SRGAP3: variants seen among roughly 807,000 people sequenced by gnomAD.
SRGAP3 encodes the protein SLIT-ROBO Rho GTPase activating protein 3, also known as SLIT-ROBO Rho GTPase-activating protein 3.
Under a neutral mutation model 121.1 loss-of-function variants are expected in SRGAP3, and 39 were observed. The observed-to-expected ratio is 0.32, with a 90% CI of 0.25 to 0.42. The LOEUF is 0.42. Among genes scored for constraint, SRGAP3 ranks in the 10% least tolerant of loss-of-function variants. The pLI, the probability that SRGAP3 is intolerant of heterozygous loss-of-function variation, is 1.00. For missense variants in SRGAP3, 1,213 were observed against 1,470.6 expected (o/e 0.82, Z 2.86); for synonymous variants, 601 against 570.0 (o/e 1.05, Z -0.77).
intron 3 of SRGAP3, among the ~76,000 whole-genome samples, chr3:9,083,762 A>G (rs921232491): frequency 6.6e-6 from 1 of 152,188 alleles, no homozygotes; most frequent in African/African-American, 2.4e-5. Context: ...TCCTGTCTTC[A>G]GAATTCCCTC....
intron 1 of SRGAP3, among the ~76,000 whole-genome samples, chr3:9,176,893 G>C (rs879613596): frequency 2.0e-5 from 3 of 152,196 alleles, no homozygotes; most frequent in Non-Finnish European, 2.9e-5. Flanking sequence ...TTCAACATGA[G>C]ATTTGGGCAG....
chr3:9,246,530 C>T (rs980701613), intron 1 of SRGAP3, among the ~76,000 whole-genome samples: 16 of 152,308 alleles, frequency 1.1e-4, no homozygotes, highest in African/African-American at 2.9e-4. Context: ...GGGAGAAAAT[C>T]GGCCTTGTGA....
In SRGAP3 at chr3:9,119,115, C is replaced by T. The variant is rs191897670; in HGVS notation, c.260+5610G>A. 2.2e-3 allele frequency among the ~76,000 whole-genome samples: 335 copies of T among 152,328 alleles called. 1 individual carries two copies. Among genetic ancestry groups the T allele is most frequent in the African/African-American group, 7.6e-3 (316 of 41,566 alleles). On this transcript the variant is annotated intron_variant, in intron 2 of 21. Coordinates refer to ENST00000383836, the MANE Select transcript of SRGAP3 (RefSeq NM_014850.4). Reference sequence around the variant, plus strand: ...CAGTGGTTGTCCAAAGGAGGACAGACAAGTAAACAGACGATGACAATACAG... The same window carrying T: ...CAGTGGTTGTCCAAAGGAGGACAGATAAGTAAACAGACGATGACAATACAG...
At chr3:9,297,764 C>G (rs1370213408) in intron 3 of SRGAP3, among the ~76,000 whole-genome samples, 1 of 151,964 alleles carries the variant, frequency 6.6e-6, no homozygotes, top group South Asian at 2.1e-4. Flanking sequence ...GGCATTGTGG[C>G]GTGTGCCTGT....
At chr3:9,328,153 C>G (rs1955549137) in intron 2 of SRGAP3, among the ~76,000 whole-genome samples, 2 of 152,124 alleles carry the variant, frequency 1.3e-5, no homozygotes, top group South Asian at 4.1e-4. Flanking sequence ...CCAAAGGTTA[C>G]TAAAGTTACA....
At chr3:9,314,918 G>A (rs1175286050) in intron 3 of SRGAP3, among the ~76,000 whole-genome samples, 1 of 152,194 alleles carries the variant, frequency 6.6e-6, no homozygotes, top group Non-Finnish European at 1.5e-5. Flanking sequence ...CCTCATCTTG[G>A]CAAATTCCCA....
chr3:9,072,819 C>T (rs894506214), intron 4 of SRGAP3, among the ~76,000 whole-genome samples: 5 of 152,182 alleles, frequency 3.3e-5, no homozygotes, highest in Admixed American at 6.5e-5. Context: ...ACACAGCAAC[C>T]GAGGTGACAT....
At chr3:9,099,723 G>GTAT (rs1948134231) in intron 3 of SRGAP3, among the ~76,000 whole-genome samples, 1 of 152,232 alleles carries the variant, frequency 6.6e-6, no homozygotes, top group Non-Finnish European at 1.5e-5. Context: ...AGAAATGCAG[G>GTAT]TTCTCAGGCC....
rs538537051 is a variant in SRGAP3, at chr3:9,348,903, T to C, written n.214+13937A>G. 5 of 1,033,128 alleles carry C rather than the reference T, an allele frequency of 4.8e-6. No homozygotes were observed. The South Asian group carries it at 5.0e-5, about 10-fold the overall frequency. The allele number at this position is 1,033,128 out of a possible 1,614,324, so 64.0% of individuals were successfully genotyped here. ...GATCAGCTACCCTCCTGTGAGAGTC[T>C]GAAGGACACTATTGCCAAGGCTCTG... On this transcript the variant is annotated intron_variant and non_coding_transcript_variant, in intron 1 of 3. Coordinates refer to the SRGAP3 transcript ENST00000490889.
intron 3 of SRGAP3, among the ~76,000 whole-genome samples, chr3:9,285,345 C>A (rs183081576): frequency 6.6e-6 from 1 of 152,226 alleles, no homozygotes; most frequent in African/African-American, 2.4e-5. Flanking sequence ...AAATATGACA[C>A]CTTGGCATTT....
intron 14 of SRGAP3, among the ~76,000 whole-genome samples, chr3:9,016,676 G>A (rs955125260): frequency 1.3e-5 from 2 of 152,168 alleles, no homozygotes; most frequent in Admixed American, 6.5e-5. Flanking sequence ...TGAGACGACC[G>A]TGTGCATGTA....
rs528055619 is a variant in SRGAP3, at chr3:9,118,780, C to T, written c.260+5945G>A. Among the ~76,000 whole-genome samples the T allele has an allele frequency of 2.0e-5, 3 of 152,010 alleles. No homozygotes were observed. In the East Asian group the frequency reaches 5.8e-4, roughly 29 times the overall value. ...GCAGGTCCTCATGTGATGCCAATGC[C>T]GCTGCTCCCATTCCCCAAACAGGGA... On this transcript the variant is annotated intron_variant, in intron 2 of 21. Coordinates refer to ENST00000383836, the MANE Select transcript of SRGAP3 (RefSeq NM_014850.4).
intron 1 of SRGAP3, among the ~76,000 whole-genome samples, chr3:9,331,289 T>A (rs1462503079): frequency 1.3e-5 from 2 of 152,196 alleles, no homozygotes; most frequent in Non-Finnish European, 2.9e-5. Flanking sequence ...ATTCCCTCTC[T>A]CATTTAATCC....
chr3:9,114,828 C>G lies in SRGAP3; in HGVS notation c.260+9897G>C, dbSNP rs187409107. On this transcript the variant is annotated intron_variant, in intron 2 of 21. Transcript: ENST00000383836. Reference sequence around the variant, plus strand: ...GCTTCCTGATTGTTTGGTGCCTGTGCTGTGCAGGTCATTTAATCTTCTAAG... The same window carrying G: ...GCTTCCTGATTGTTTGGTGCCTGTGGTGTGCAGGTCATTTAATCTTCTAAG... 3.9e-5 allele frequency among the ~76,000 whole-genome samples: 6 copies of G among 152,356 alleles called. No individual in the cohort carries two copies. The East Asian group carries it at 1.2e-3, about 29-fold the overall frequency.
chr3:9,031,923 G>T (rs944429312), intron 12 of SRGAP3, among the ~76,000 whole-genome samples: 1 of 152,196 alleles, frequency 6.6e-6, no homozygotes, highest in East Asian at 1.9e-4. Context: ...GCTGCTCTTC[G>T]CTTCTCCATC....
chr3:9,269,512 T>C (rs898311180), intron 3 of SRGAP3, among the ~76,000 whole-genome samples: 6 of 152,216 alleles, frequency 3.9e-5, no homozygotes, highest in African/African-American at 1.4e-4. Context: ...AGTGCCAGCC[T>C]TCTGTGTTAT....
intron 1 of SRGAP3, chr3:9,194,250 G>T (rs1304688890): frequency 1.3e-5 from 2 of 152,114 alleles, no homozygotes; most frequent in African/African-American, 2.4e-5. Flanking sequence ...GAAAGCACAA[G>T]CCAAGTGGGG....
At chr3:9,299,589 C>T (rs191046743) in intron 3 of SRGAP3, among the ~76,000 whole-genome samples, 1 of 152,224 alleles carries the variant, frequency 6.6e-6, no homozygotes, top group East Asian at 1.9e-4. Flanking sequence ...ATAACTGAAA[C>T]ACTGATCATG....
intron 13 of SRGAP3, 109 bp from the exon 14 acceptor site, chr3:9,025,447 C>G: frequency 8.2e-7 from 1 of 1,225,902 alleles, no homozygotes; most frequent in Admixed American, 1.8e-5. Context: ...CTTTCTCCCC[C>G]GATCCTTTAT....
Sources: allele counts gnomAD v4.1 joint callset (sites outside exome capture counted in the v4.1 genomes callset), GRCh38; gene constraint gnomAD v4.1.1; transcripts MANE v1.5; gene names NCBI Gene and HGNC (gene_info 2026-07-23, HGNC 2026-07-21).